MSL2: variants seen among roughly 807,000 people sequenced by gnomAD.
The protein encoded by MSL2 is MSL complex subunit 2.
A neutral mutation model predicts 35.8 loss-of-function variants in MSL2; 2 were observed. The ratio of observed to expected loss-of-function variants is 0.06; its 90% confidence interval spans 0.02 to 0.18. MSL2 has a LOEUF of 0.18. Ranked by LOEUF, MSL2 falls within the 10% of genes least tolerant of loss-of-function variation. The probability of loss-of-function intolerance (pLI) is 1.00; values close to 1 mark genes in which losing one functional copy is unlikely to be tolerated. For synonymous variants in MSL2, 296 were observed against 255.7 expected, an observed-to-expected ratio of 1.16 and a Z score of -1.50; for missense variants, 523 against 706.7, an observed-to-expected ratio of 0.74 and a Z score of 2.95.
intron 1 of MSL2, chr3:136,155,795 C>A: frequency 1.8e-6 from 1 of 570,382 alleles, no homozygotes. Context: ...TGGGTCTGTG[C>A]CCCGTGACAC....
chr3:136,165,296 TAACTA>T (rs1419284547), intron 1 of MSL2, among the ~76,000 whole-genome samples: 1 of 151,908 alleles, frequency 6.6e-6, no homozygotes, highest in Non-Finnish European at 1.5e-5. Context: ...AGTGGACATA[TAACTA>T]AACGAATGAT....
At position 136,152,686 on chromosome 3, in the gene MSL2, A is replaced by G. The variant is rs1314031839; in HGVS notation, c.195T>C (p.Tyr65=). Residue 65 remains tyrosine, a synonymous_variant, in exon 2 of 2, where the codon TAT becomes TAC. Transcript: ENST00000309993. ...IAPTNSTCQH[Y]VCKTCKGKKM... ...TCTTGCCTTTACAAGTTTTGCAGAC[A>G]TAATGTTGGCAGGTGGAGTTGGTGG... 3 of 1,614,214 alleles carry G rather than the reference A, an allele frequency of 1.9e-6. No homozygotes were observed. The highest frequency in any genetic ancestry group is 2.2e-5 in the East Asian group (1 of 44,880).
intron 1 of MSL2, among the ~76,000 whole-genome samples, chr3:136,157,776 C>G (rs1455788105): frequency 1.3e-5 from 2 of 152,118 alleles, no homozygotes; most frequent in African/African-American, 2.4e-5. Context: ...TCTAAAGACA[C>G]AAATGACCAA....
chr3:136,190,035 C>T (rs1158308933), intron 1 of MSL2, among the ~76,000 whole-genome samples: 1 of 150,100 alleles, frequency 6.7e-6, no homozygotes, highest in Non-Finnish European at 1.5e-5. Context: ...AAGCCGAGAT[C>T]ATGCCACTGC....
chr3:136,193,788 GTGTC>G (rs770884123), intron 1 of MSL2, among the ~76,000 whole-genome samples: 1 of 152,122 alleles, frequency 6.6e-6, no homozygotes, highest in Admixed American at 6.5e-5. Context: ...AAGGTGTTAA[GTGTC>G]TGTCACCAGT....
At chr3:136,167,215 C>G (rs543562946) in intron 1 of MSL2, among the ~76,000 whole-genome samples, 1 of 152,122 alleles carries the variant, frequency 6.6e-6, no homozygotes, top group South Asian at 2.1e-4. Context: ...ACAAATTAAA[C>G]ATGAACAACA....
chr3:136,155,752 T>G, intron 1 of MSL2: 1 of 533,548 alleles, frequency 1.9e-6, no homozygotes. Flanking sequence ...CAGACGGAAT[T>G]GTGAGCACCA....
At chr3:136,169,949 G>C (rs1939973814) in intron 1 of MSL2, among the ~76,000 whole-genome samples, 1 of 151,454 alleles carries the variant, frequency 6.6e-6, no homozygotes, top group South Asian at 2.1e-4. Context: ...CCAGTTACTC[G>C]GGCTGAGGCA....
intron 1 of MSL2, among the ~76,000 whole-genome samples, chr3:136,159,851 T>C (rs990777610): frequency 1.3e-5 from 2 of 152,084 alleles, no homozygotes; most frequent in African/African-American, 4.8e-5. Flanking sequence ...TTTGTAACTT[T>C]CTATTGGCCA....
chr3:136,191,508 A>C (rs1446897501), intron 1 of MSL2, among the ~76,000 whole-genome samples: 1 of 150,636 alleles, frequency 6.6e-6, no homozygotes, highest in Non-Finnish European at 1.5e-5. Flanking sequence ...CAGGAGCCAC[A>C]GTGGCTTACA....
Position 136,154,995 on chromosome 3 carries a change from G to A in MSL2, c.143-2257C>T, listed in dbSNP as rs113771299. Reference sequence around the variant, plus strand: ...GAGGCCGAGGTAGGCAGATCACGAGGTCAAGAGACTGAGACCATCCTGGCC... The same window carrying A: ...GAGGCCGAGGTAGGCAGATCACGAGATCAAGAGACTGAGACCATCCTGGCC... On this transcript the variant is annotated intron_variant, in intron 1 of 1. Transcript: ENST00000309993. Among the ~76,000 whole-genome samples the A allele has an allele frequency of 8.0e-3, 1,217 of 151,952 alleles. 25 individuals are homozygous for A. The highest frequency in any genetic ancestry group is 0.027 in the African/African-American group (1,108 of 41,460).
At chr3:136,162,268 G>A (rs1348002139) in intron 1 of MSL2, among the ~76,000 whole-genome samples, 3 of 144,252 alleles carry the variant, frequency 2.1e-5, no homozygotes, top group Non-Finnish European at 4.5e-5. Context: ...AAACCATAAG[G>A]TTTTTAAAAA....
At chr3:136,187,964 C>T (rs1940569338) in intron 1 of MSL2, among the ~76,000 whole-genome samples, 1 of 152,008 alleles carries the variant, frequency 6.6e-6, no homozygotes. Context: ...AAGAAAGAAA[C>T]GGGTCTACAG....
At position 136,188,858 on chromosome 3, in the gene MSL2, G is replaced by T. The variant is rs1037141668; in HGVS notation, c.142+6114C>A. Among the ~76,000 whole-genome samples the T allele has an allele frequency of 7.3e-5, 11 of 151,498 alleles. 1 individual carries two copies. The South Asian group carries it at 2.3e-3, about 32-fold the overall frequency. ...TCTACAGTACCATACTGCCTGCCTTGAACCCACATTTAAACTATTATTACC... is the reference window on the plus strand; with the variant it reads ...TCTACAGTACCATACTGCCTGCCTTTAACCCACATTTAAACTATTATTACC... On this transcript the variant is annotated intron_variant, in intron 1 of 1. Transcript: ENST00000309993.
Position 136,195,784 on chromosome 3 carries a change from T to C in MSL2, c.-671A>G. Reference sequence around the variant, plus strand: ...CGCCCCGTGGGTTGCAGCCCGCAGTTCCCCGAGGTGGCGAGGCGGGCGGGA... The same window carrying C: ...CGCCCCGTGGGTTGCAGCCCGCAGTCCCCCGAGGTGGCGAGGCGGGCGGGA... On this transcript the variant is annotated 5_prime_UTR_variant, in exon 1 of 2. Coordinates refer to ENST00000309993, the MANE Select transcript of MSL2 (RefSeq NM_018133.4). 1.0e-6 allele frequency: 1 copy of C among 984,298 alleles called. No individual in the cohort carries two copies. Among genetic ancestry groups the C allele is most frequent in the Non-Finnish European group, 1.2e-6 (1 of 829,684 alleles). 61.0% of individuals were successfully genotyped at this position (984,298 alleles called of 1,614,324 possible). A position where few individuals can be genotyped will look rare whatever the true frequency, so the allele number is the denominator to read the frequency against.
intron 1 of MSL2, 193 bp from the exon 2 acceptor site, chr3:136,152,931 C>T: frequency 1.0e-6 from 1 of 985,362 alleles, no homozygotes; most frequent in Non-Finnish European, 1.2e-6. Flanking sequence ...GCCATATTCC[C>T]CATTCAGTTA....
intron 1 of MSL2, among the ~76,000 whole-genome samples, chr3:136,165,543 TTAC>T (rs1351701021): frequency 2.0e-5 from 3 of 152,206 alleles, no homozygotes; most frequent in African/African-American, 7.2e-5. Context: ...GATAATTAAT[TTAC>T]TAAGATATTT....
chr3:136,155,207 G>GAA (rs746345027), intron 1 of MSL2, among the ~76,000 whole-genome samples: 4 of 139,250 alleles, frequency 2.9e-5, no homozygotes, highest in Non-Finnish European at 3.1e-5. Flanking sequence ...AGACTGTCTG[G>GAA]AAAAAAAAAA....
chr3:136,177,816 A>G (rs1226418254), intron 1 of MSL2, among the ~76,000 whole-genome samples: 2 of 152,228 alleles, frequency 1.3e-5, no homozygotes, highest in Non-Finnish European at 2.9e-5. Context: ...TGATAGCTAA[A>G]CATATATGCC....
Sources: gnomAD v4.1 joint callset for allele counts (sites outside exome capture counted in the v4.1 genomes callset) on GRCh38, gnomAD v4.1.1 for gene constraint, MANE v1.5 for transcripts, NCBI Gene and HGNC (gene_info 2026-07-23, HGNC 2026-07-21) for gene names.